The following SOX13 variants were observed in gnomAD, a reference collection of about 807,000 sequenced individuals.
SOX13 encodes SRY-box transcription factor 13, also known as transcription factor SOX-13.
Under a neutral mutation model 71.8 loss-of-function variants are expected in SOX13, and 28 were observed. The observed-to-expected ratio is 0.39, with a 90% CI of 0.29 to 0.53. SOX13 has a LOEUF of 0.53. SOX13 is among the 20% of genes least tolerant of loss of function. SOX13 has a pLI of 0.70. For synonymous variants in SOX13, 309 were observed against 317.8 expected (o/e 0.97, Z 0.29); for missense variants, 627 against 810.3 (o/e 0.77, Z 2.75).
At chr1:204,103,110 T>C (rs1272280604) in intron 1 of SOX13, among the ~76,000 whole-genome samples, 1 of 152,276 alleles carries the variant, frequency 6.6e-6, no homozygotes, top group East Asian at 1.9e-4. Context: ...TACCAGATTC[T>C]GTAATTATAC....
At chr1:204,080,294 TA>T (rs777744947) in intron 1 of SOX13, among the ~76,000 whole-genome samples, 3 of 152,060 alleles carry the variant, frequency 2.0e-5, no homozygotes, top group South Asian at 4.1e-4. Flanking sequence ...GGGGCAGGGT[TA>T]GGGGGAGGGG....
In SOX13 at chr1:204,122,918, C is replaced by T. The variant is rs1016817255; in HGVS notation, c.1089C>T (p.Ser363=). 2 of 1,590,462 alleles carry T rather than the reference C, an allele frequency of 1.3e-6. No homozygotes were observed. Among genetic ancestry groups the T allele is most frequent in the Middle Eastern group, 3.3e-4 (2 of 6,036 alleles). The change falls in exon 10 of 14, where the codon AGC becomes AGT. Residue 363 remains serine, a synonymous_variant. Coordinates refer to ENST00000367204, the MANE Select transcript of SOX13 (RefSeq NM_005686.3). ...AIQDARQLLH[S]HSGALDGSPN... ...AGGATGCTCGGCAGCTGCTGCACAG[C>T]CACAGTGGGGCCTTGGATGGCTCCC...
chr1:204,083,810 GAC>G (rs1376095031), intron 1 of SOX13, among the ~76,000 whole-genome samples: 2 of 152,198 alleles, frequency 1.3e-5, no homozygotes, highest in African/African-American at 4.8e-5. Context: ...GCATAGCCCT[GAC>G]ACAACTTGGA....
At chr1:204,117,255 G>T (rs552311668) in intron 6 of SOX13, 65 bp downstream of exon 6, 2 of 1,421,164 alleles carry the variant, frequency 1.4e-6, no homozygotes, top group African/African-American at 2.8e-5. Context: ...CGGCCTGGAG[G>T]GTGCTGGGGA....
chr1:204,100,707 C>T (rs1479693303), intron 1 of SOX13, among the ~76,000 whole-genome samples: 2 of 151,564 alleles, frequency 1.3e-5, no homozygotes, highest in African/African-American at 2.4e-5. Context: ...AAGAACGGAA[C>T]GCGTTGTTCA....
At position 204,114,478 on chromosome 1, in the gene SOX13, G is replaced by T. The variant is rs1015632012; in HGVS notation, c.332-41G>T. The T allele has an allele frequency of 8.1e-6, 13 of 1,604,928 alleles. No homozygotes were observed. In the African/African-American group the frequency reaches 9.4e-5, roughly 12 times the overall value. Reference sequence around the variant, plus strand: ...AGAAGCAGAGGCCTGAGGCAGGGAGGTGTTAAGACGGTTATTCCTCACCCC... The same window carrying T: ...AGAAGCAGAGGCCTGAGGCAGGGAGTTGTTAAGACGGTTATTCCTCACCCC... On this transcript the variant is annotated intron_variant, in intron 3 of 13. Transcript: ENST00000367204.
chr1:204,092,047 CTT>C (rs1656156262), intron 1 of SOX13, among the ~76,000 whole-genome samples: 1 of 151,198 alleles, frequency 6.6e-6, no homozygotes, highest in East Asian at 1.9e-4. Context: ...TTTTTTCTCT[CTT>C]CTTTCTTTGT....
At chr1:204,089,330 A>G (rs11240662) in intron 1 of SOX13, among the ~76,000 whole-genome samples, 93,204 of 152,028 alleles carry the variant, frequency 0.61, 28,760 homozygotes, top group Admixed American at 0.71. Flanking sequence ...TCCTCTGGAC[A>G]GCATGGCATT....
chr1:204,099,328 G>C (rs1255981529), intron 1 of SOX13, among the ~76,000 whole-genome samples: 2 of 150,898 alleles, frequency 1.3e-5, no homozygotes, highest in East Asian at 3.9e-4. Context: ...TGCTTAGCAT[G>C]TAAGTAGTTG....
intron 2 of SOX13, 54 bp from the exon 3 acceptor site, chr1:204,114,267 G>T: frequency 7.9e-7 from 1 of 1,264,136 alleles, no homozygotes; most frequent in South Asian, 1.3e-5. Context: ...AGCCCTCCCT[G>T]CAGCCTGTCC....
chr1:204,126,033 A>C lies in SOX13; in HGVS notation c.1768A>C (p.Arg590=). 1 of 1,613,964 alleles carries C rather than the reference A, an allele frequency of 6.2e-7. No homozygotes were observed. The highest frequency in any genetic ancestry group is 8.5e-7 in the Non-Finnish European group (1 of 1,179,870). Residue 590 remains arginine, a synonymous_variant, in exon 14 of 14, where the codon AGG becomes CGG. Transcript: ENST00000367204. ...AGAGGAGGGTGAGGGCACAGATGAC[A>C]GGCACTCGGTGGCTGATGGCGAGAT... ...LREEGEGTDD[R]HSVADGEMYR... is the part of the protein sequence containing the mutation.
At chr1:204,105,413 C>CTCTTTTTTTTTTTTTTT (rs149562684) in intron 1 of SOX13, among the ~76,000 whole-genome samples, 15 of 137,958 alleles carry the variant, frequency 1.1e-4, no homozygotes, top group African/African-American at 4.3e-4. Flanking sequence ...TGTATAATCT[C>CTCTTTTTTTTTTTTTTT]TTTTTTTTTT....
chr1:204,111,366 T>C (rs765291936), intron 1 of SOX13, among the ~76,000 whole-genome samples: 2 of 152,180 alleles, frequency 1.3e-5, no homozygotes, highest in Non-Finnish European at 2.9e-5. Flanking sequence ...GCAGGACCCA[T>C]GCATAGCTGG....
intron 1 of SOX13, among the ~76,000 whole-genome samples, chr1:204,091,702 G>T (rs1334646445): frequency 6.6e-6 from 1 of 151,538 alleles, no homozygotes; most frequent in African/African-American, 2.4e-5. Flanking sequence ...GCAAATAACA[G>T]AACTTTTTTC....
chr1:204,090,971 TGGA>T (rs1656129310), intron 1 of SOX13, among the ~76,000 whole-genome samples: 1 of 152,140 alleles, frequency 6.6e-6, no homozygotes, highest in African/African-American at 2.4e-5. Context: ...GAAGGAACCT[TGGA>T]CACGGGCCGA....
At chr1:204,122,456 C>T in intron 9 of SOX13, 57 bp downstream of exon 9, 1 of 1,420,726 alleles carries the variant, frequency 7.0e-7, no homozygotes, top group Non-Finnish European at 9.6e-7. Flanking sequence ...GAGCCGGCGG[C>T]ATGATGCGAC....
intron 1 of SOX13, chr1:204,074,157 G>T (rs1389408464): frequency 6.6e-6 from 1 of 152,242 alleles, no homozygotes; most frequent in Admixed American, 6.5e-5. Flanking sequence ...ACCTGCGCGC[G>T]TCCTGCGTGG....
chr1:204,086,603 C>T (rs540587959), intron 1 of SOX13, among the ~76,000 whole-genome samples: 2 of 152,114 alleles, frequency 1.3e-5, no homozygotes, highest in East Asian at 3.9e-4. Flanking sequence ...ACCTGGCCTG[C>T]CTTCAACTTC....
In SOX13 at chr1:204,127,616, CATAG is replaced by C. The variant is rs972686686; in HGVS notation, c.*1487_*1490del. ...CTGTTTCTTTTTTTATGACTGTAAA[CATAG>C]ATAGTGCTTTATTTTGTTAATAATA... On this transcript the variant is annotated 3_prime_UTR_variant, in exon 14 of 14. Transcript: ENST00000367204. The C allele has an allele frequency of 3.9e-5, 6 of 152,614 alleles. No individual in the cohort carries two copies. The highest frequency in any genetic ancestry group is 2.6e-4 in the Admixed American group (4 of 15,266). The allele number at this position is 152,614 out of a possible 1,614,324, so 9.5% of individuals were successfully genotyped here. A position where few individuals can be genotyped will look rare whatever the true frequency, so the allele number is the denominator to read the frequency against.
Sources: gnomAD v4.1 joint callset for allele counts (sites outside exome capture counted in the v4.1 genomes callset) on GRCh38, gnomAD v4.1.1 for gene constraint, MANE v1.5 for transcripts, NCBI Gene and HGNC (gene_info 2026-07-23, HGNC 2026-07-21) for gene names.